Variants in IKZF2 observed in about 807,000 individuals in gnomAD.
The protein encoded by IKZF2 is IKAROS family zinc finger 2, also known as zinc finger protein Helios.
IKZF2 carries 15 observed loss-of-function variants against 49.2 expected under a neutral mutation model. The ratio of observed to expected loss-of-function variants is 0.30; its 90% CI spans 0.20 to 0.47. IKZF2 has a LOEUF of 0.47. IKZF2 is among the 20% of genes least tolerant of loss of function. IKZF2 has a pLI of 1.00. For missense variants in IKZF2, 567 were observed against 664.6 expected (o/e 0.85, Z 1.61); for synonymous variants, 227 against 221.4 (o/e 1.03, Z -0.23).
At chr2:213,066,364 G>A (rs558764672) in intron 4 of IKZF2, among the ~76,000 whole-genome samples, 2 of 152,082 alleles carry the variant, frequency 1.3e-5, no homozygotes, top group Non-Finnish European at 2.9e-5. Flanking sequence ...ACACACTTCA[G>A]CAGCTTTACC....
Position 213,147,810 on chromosome 2 carries a change from C to T in IKZF2, c.37G>A (p.Asp13Asn). 3 of 1,603,006 alleles carry T rather than the reference C, an allele frequency of 1.9e-6. No individual in the cohort carries two copies. Among genetic ancestry groups the T allele is most frequent in the Middle Eastern group, 1.7e-4 (1 of 6,042 alleles). ...TEAIDGYITCDNELSPEREHS... is the reference protein window; with the variant it reads ...TEAIDGYITCNNELSPEREHS... Reference sequence around the variant, plus strand: ...TCCCTTTCGGGTGAAAGCTCATTGTCACCTGCTTTCACAAAATATAATCTT... The same window carrying T: ...TCCCTTTCGGGTGAAAGCTCATTGTTACCTGCTTTCACAAAATATAATCTT... Residue 13 changes from aspartate (D) to asparagine (N), a missense_variant and splice_region_variant, in exon 4 of 9, where the codon GAC (aspartate) becomes AAC (asparagine). This residue lies in a region of IKZF2 where 156 missense variants were observed against 138.5 expected (regional missense o/e 1.13). Coordinates refer to ENST00000434687, the MANE Select transcript of IKZF2 (RefSeq NM_001387220.1).
chr2:213,008,103 TG>T lies in IKZF2; in HGVS notation c.857-20del. ...TTTTCCCCTGGAAGGGAGTGGGAGGTGAAAGAAGTAAAAAAAAAAAAAAAAT... is the reference window on the plus strand; with the variant it reads ...TTTTCCCCTGGAAGGGAGTGGGAGGTAAAGAAGTAAAAAAAAAAAAAAAAT... On this transcript the variant is annotated intron_variant, in intron 8 of 8. Transcript: ENST00000434687. The T allele has an allele frequency of 6.7e-7, 1 of 1,497,058 alleles. No individual in the cohort carries two copies. Among genetic ancestry groups the T allele is most frequent in the Non-Finnish European group, 8.9e-7 (1 of 1,128,144 alleles). The allele number at this position is 1,497,058 out of a possible 1,614,324, so 92.7% of individuals were successfully genotyped here. A position where few individuals can be genotyped will look rare whatever the true frequency, so the allele number is the denominator to read the frequency against.
chr2:213,049,576 A>G, intron 6 of IKZF2, 137 bp downstream of exon 6: 1 of 559,596 alleles, frequency 1.8e-6, no homozygotes, highest in Non-Finnish European at 2.8e-6. Context: ...AGATTTATCA[A>G]TTATTTAATG....
At chr2:213,147,615 A>G (rs894119496) in intron 4 of IKZF2, 93 bp downstream of exon 4, 13 of 879,934 alleles carry the variant, frequency 1.5e-5, no homozygotes, top group Non-Finnish European at 2.5e-5. Flanking sequence ...TAGCTATACC[A>G]CAATGTGAGA....
intron 4 of IKZF2, among the ~76,000 whole-genome samples, chr2:213,097,020 T>A (rs1205194227): frequency 6.6e-6 from 1 of 152,002 alleles, no homozygotes; most frequent in Admixed American, 6.6e-5. Flanking sequence ...AAAGTTTTTT[T>A]GAAAAACGCC....
chr2:213,091,467 G>T (rs903344605), intron 4 of IKZF2, among the ~76,000 whole-genome samples: 3 of 152,152 alleles, frequency 2.0e-5, no homozygotes, highest in Non-Finnish European at 2.9e-5. Flanking sequence ...CAGATCTCAG[G>T]TTGTGTGCCA....
At chr2:213,088,244 C>G (rs1704889612) in intron 4 of IKZF2, among the ~76,000 whole-genome samples, 1 of 152,168 alleles carries the variant, frequency 6.6e-6, no homozygotes, top group African/African-American at 2.4e-5. Context: ...ATTTGCATTT[C>G]TCTGATGGCC....
intron 6 of IKZF2, among the ~76,000 whole-genome samples, chr2:213,027,873 C>A (rs953295978): frequency 1.3e-5 from 2 of 152,018 alleles, no homozygotes; most frequent in African/African-American, 4.8e-5. Flanking sequence ...TGTCTCTGGT[C>A]TAAAGTCTCT....
intron 4 of IKZF2, among the ~76,000 whole-genome samples, chr2:213,146,280 G>C (rs1323450921): frequency 6.6e-6 from 1 of 151,994 alleles, no homozygotes; most frequent in Admixed American, 6.6e-5. Context: ...TGTAGTCATA[G>C]TATATTTTTT....
intron 4 of IKZF2, among the ~76,000 whole-genome samples, chr2:213,059,055 C>T (rs1701441704): frequency 6.6e-6 from 1 of 151,786 alleles, no homozygotes; most frequent in Admixed American, 6.6e-5. Flanking sequence ...CCACATAGTT[C>T]TGTCAATCTG....
chr2:213,066,472 G>C (rs2125451720), intron 4 of IKZF2, among the ~76,000 whole-genome samples: 1 of 152,176 alleles, frequency 6.6e-6, no homozygotes. Context: ...GGCTACAAAA[G>C]TTCTTTCCCT....
rs1191789803 is a variant in IKZF2 at position 213,103,185 on chromosome 2, A to C, written c.139+44523T>G. Among the ~76,000 whole-genome samples the C allele has an allele frequency of 3.3e-5, 5 of 152,180 alleles. No homozygotes were observed. In the East Asian group the frequency reaches 9.6e-4, roughly 29 times the overall value. ...TCAGAGATATTAATTTATTCATACAAGGTCACTCAGTCAGTAGCTAGTTAT... is the reference window on the plus strand; with the variant it reads ...TCAGAGATATTAATTTATTCATACACGGTCACTCAGTCAGTAGCTAGTTAT... On this transcript the variant is annotated intron_variant, in intron 4 of 8. Coordinates refer to ENST00000434687, the MANE Select transcript of IKZF2 (RefSeq NM_001387220.1).
intron 6 of IKZF2, among the ~76,000 whole-genome samples, chr2:213,036,880 A>T (rs899573402): frequency 1.3e-5 from 2 of 152,192 alleles, no homozygotes; most frequent in African/African-American, 4.8e-5. Context: ...ACACAGATCA[A>T]GTAGGAAAAA....
At chr2:213,077,467 A>G (rs1703394353) in intron 4 of IKZF2, among the ~76,000 whole-genome samples, 1 of 152,130 alleles carries the variant, frequency 6.6e-6, no homozygotes, top group South Asian at 2.1e-4. Context: ...GAATGAAAAT[A>G]GTAAGTAAGT....
chr2:213,112,539 C>A (rs979216182), intron 4 of IKZF2, among the ~76,000 whole-genome samples: 1 of 150,196 alleles, frequency 6.7e-6, no homozygotes, highest in African/African-American at 2.4e-5. Flanking sequence ...TCACAGCTCA[C>A]TAGCCATGAA....
chr2:213,151,830 T>TGTGCGTGTGTGTATGAGA (rs1311076723), upstream of IKZF2, among the ~76,000 whole-genome samples: 3 of 148,914 alleles, frequency 2.0e-5, no homozygotes, highest in South Asian at 6.2e-4. Context: ...CCCGAGCGCC[T>TGTGCGTGTGTGTATGAGA]GTGCGTGTGT....
chr2:213,112,646 G>A (rs929215680), intron 4 of IKZF2, among the ~76,000 whole-genome samples: 8 of 151,550 alleles, frequency 5.3e-5, no homozygotes, highest in South Asian at 4.2e-4. Flanking sequence ...ATATTCTAAC[G>A]TTTTCTATTC....
chr2:213,101,663 C>A (rs1400006078), intron 4 of IKZF2, among the ~76,000 whole-genome samples: 1 of 152,040 alleles, frequency 6.6e-6, no homozygotes. Flanking sequence ...AAGTACGACC[C>A]TAACGTCTTA....
intron 4 of IKZF2, among the ~76,000 whole-genome samples, chr2:213,076,846 G>C (rs916300428): frequency 1.3e-5 from 2 of 152,176 alleles, no homozygotes; most frequent in African/African-American, 2.4e-5. Context: ...GAGCTTGCGT[G>C]AGCGGAGATC....
Sources: allele counts gnomAD v4.1 joint callset (sites outside exome capture counted in the v4.1 genomes callset), GRCh38; gene constraint gnomAD v4.1.1; regional missense constraint gnomAD v4.1.1; transcripts MANE v1.5; gene names NCBI Gene and HGNC (gene_info 2026-07-23, HGNC 2026-07-21).